Variants in BRWD1 observed in about 807,000 individuals in gnomAD.
The protein encoded by BRWD1 is bromodomain and WD repeat domain containing 1.
In BRWD1, 82 loss-of-function variants were observed where a neutral mutation model predicts 251.2. The observed-to-expected ratio is 0.33, with a 90% CI of 0.27 to 0.39. The LOEUF (loss-of-function observed/expected upper bound fraction) is 0.39. BRWD1 is among the 10% of genes least tolerant of loss of function. BRWD1 has a pLI of 1.00. For missense variants in BRWD1, 2,233 were observed against 2,711.6 expected (o/e 0.82, Z 3.92); for synonymous variants, 918 against 902.8 (o/e 1.02, Z -0.30).
chr21:39,316,801 G>A (rs2036703317), upstream of BRWD1, among the ~76,000 whole-genome samples: 1 of 152,134 alleles, frequency 6.6e-6, no homozygotes, highest in African/African-American at 2.4e-5. Context: ...GCCAGGGGTG[G>A]TAGGTGTGTA....
At chr21:39,199,924 G>C (rs2032023918) in intron 39 of BRWD1, among the ~76,000 whole-genome samples, 1 of 152,058 alleles carries the variant, frequency 6.6e-6, no homozygotes, top group Non-Finnish European at 1.5e-5. Context: ...CTAATTTTTT[G>C]TATTTTTAGT....
chr21:39,220,589 C>T (rs1220796845), intron 29 of BRWD1, among the ~76,000 whole-genome samples: 1 of 152,132 alleles, frequency 6.6e-6, no homozygotes, highest in African/African-American at 2.4e-5. Context: ...AAAATTATAA[C>T]ACAGGTAATA....
intron 7 of BRWD1, 66 bp from the exon 8 acceptor site, chr21:39,294,098 CT>C: frequency 7.9e-7 from 1 of 1,259,838 alleles, no homozygotes; most frequent in Non-Finnish European, 1.1e-6. Flanking sequence ...AAAAGAATAC[CT>C]TTTATATGCC....
intron 4 of BRWD1, among the ~76,000 whole-genome samples, chr21:39,301,985 T>TTTG (rs2036131894): frequency 2.2e-5 from 3 of 136,848 alleles, no homozygotes; most frequent in African/African-American, 5.6e-5. Context: ...TGTGTTTTTT[T>TTTG]TTTTTTTTTT....
At chr21:39,314,524 T>C, upstream of BRWD1, 1 of 355,758 alleles carries the variant, frequency 2.8e-6, no homozygotes, top group Non-Finnish European at 5.6e-6. Context: ...AGAATCCTCT[T>C]GGAAGACTAG....
Position 39,191,827 on chromosome 21 carries a change from T to C in BRWD1, c.*4432A>G. 1.0e-6 allele frequency: 1 copy of C among 985,130 alleles called. No individual in the cohort carries two copies. Among genetic ancestry groups the C allele is most frequent in the Non-Finnish European group, 1.2e-6 (1 of 829,716 alleles). The allele number at this position is 985,130 out of a possible 1,614,324, so 61.0% of individuals were successfully genotyped here. A position where few individuals can be genotyped will look rare whatever the true frequency, so the allele number is the denominator to read the frequency against. ...TTCTCTTTGGCAGTCTAAAATCTCA[T>C]TTAAGGGCTTTAATAAATGAAAAAA... is the stretch of plus-strand genomic sequence containing the variant. On this transcript the variant is annotated 3_prime_UTR_variant, in exon 41 of 41. Transcript: ENST00000342449.
Position 39,187,397 on chromosome 21 carries a change from C to A in BRWD1, c.*8862G>T. ...CATGTTCTCACTTTTGTATTGGGTT[C>A]TCTGTCTCTAGGAACAAATTCTGAA... On this transcript the variant is annotated 3_prime_UTR_variant, in exon 41 of 41. Transcript: ENST00000342449. 1.3e-6 allele frequency: 2 copies of A among 1,573,494 alleles called. No individual in the cohort carries two copies. Among genetic ancestry groups the A allele is most frequent in the South Asian group, 2.4e-5 (2 of 84,238 alleles).
At chr21:39,272,897 C>A (rs2035163946) in intron 13 of BRWD1, among the ~76,000 whole-genome samples, 1 of 152,156 alleles carries the variant, frequency 6.6e-6, no homozygotes, top group South Asian at 2.1e-4. Flanking sequence ...CAGGCATGAG[C>A]CACTATGCCC....
intron 21 of BRWD1, 35 bp from the exon 22 acceptor site, chr21:39,238,608 C>T: frequency 6.8e-7 from 1 of 1,465,586 alleles, no homozygotes; most frequent in African/African-American, 1.4e-5. Flanking sequence ...ATCTTGATCC[C>T]TGAAGTTAAA....
At chr21:39,276,843 A>T (rs1250635934) in intron 11 of BRWD1, among the ~76,000 whole-genome samples, 1 of 152,208 alleles carries the variant, frequency 6.6e-6, no homozygotes, top group Non-Finnish European at 1.5e-5. Context: ...ACCACTGTAA[A>T]ATATTAGGCC....
In BRWD1 at chr21:39,280,305, T is replaced by C. The variant is rs77792104; in HGVS notation, c.832-57A>G. 2.1e-3 allele frequency: 2,793 copies of C among 1,360,164 alleles called. 44 individuals are homozygous for C. In the African/African-American group the frequency reaches 0.037, roughly 18 times the overall value. 84.3% of individuals were successfully genotyped at this position (1,360,164 alleles called of 1,614,324 possible). A position where few individuals can be genotyped will look rare whatever the true frequency, so the allele number is the denominator to read the frequency against. On this transcript the variant is annotated intron_variant, in intron 8 of 40. Coordinates refer to ENST00000342449, the MANE Select transcript of BRWD1 (RefSeq NM_033656.4). ...CAGAACTTCTACTTAAGTTACAGTT[T>C]AATAGTCTTGCAAACTTAACTTCAA... is the stretch of plus-strand genomic sequence containing the variant.
chr21:39,254,804 C>T (rs921262110), intron 19 of BRWD1, among the ~76,000 whole-genome samples: 2 of 152,160 alleles, frequency 1.3e-5, no homozygotes, highest in African/African-American at 4.8e-5. Context: ...GCTAACATCA[C>T]AAAAACCGAG....
chr21:39,250,731 T>C, intron 20 of BRWD1, 65 bp downstream of exon 20: 1 of 1,045,092 alleles, frequency 9.6e-7, no homozygotes, highest in Non-Finnish European at 1.4e-6. Context: ...GTTTTATAAA[T>C]CAAAAAGAAA....
chr21:39,244,147 TCTGCCTCCTGGGTTCAATGCCATTCTC>T (rs2034098867), intron 21 of BRWD1, among the ~76,000 whole-genome samples: 1 of 152,124 alleles, frequency 6.6e-6, no homozygotes, highest in Non-Finnish European at 1.5e-5. Flanking sequence ...CACTGCAAGT[TCTGCCTCCTGGGTTCAATGCCATTCTC>T]CTGCCTCAGC....
intron 8 of BRWD1, among the ~76,000 whole-genome samples, chr21:39,283,564 A>T (rs2035539454): frequency 6.6e-6 from 1 of 152,240 alleles, no homozygotes; most frequent in Non-Finnish European, 1.5e-5. Flanking sequence ...TGGTTTTAAG[A>T]CATGGGTCCT....
intron 8 of BRWD1, among the ~76,000 whole-genome samples, chr21:39,282,269 AG>A (rs2035493033): frequency 1.3e-5 from 2 of 151,918 alleles, no homozygotes; most frequent in African/African-American, 4.9e-5. Context: ...TGCTGACTCA[AG>A]AAACATTCAA....
Position 39,194,537 on chromosome 21 carries a change from C to T in BRWD1, c.*1722G>A, listed in dbSNP as rs1287873078. Reference sequence around the variant, plus strand: ...GAAATGGTGATAGCTCTCTAAGCCACAAATGAGAGGAGGTTTCCCACCTAT... The same window carrying T: ...GAAATGGTGATAGCTCTCTAAGCCATAAATGAGAGGAGGTTTCCCACCTAT... On this transcript the variant is annotated 3_prime_UTR_variant, in exon 41 of 41. Coordinates refer to ENST00000342449, the MANE Select transcript of BRWD1 (RefSeq NM_033656.4). 12 of 1,438,996 alleles carry T rather than the reference C, an allele frequency of 8.3e-6. No individual in the cohort carries two copies. The highest frequency in any genetic ancestry group is 1.4e-5 in the African/African-American group (1 of 69,692). 89.1% of individuals were successfully genotyped at this position (1,438,996 alleles called of 1,614,324 possible).
intron 18 of BRWD1, among the ~76,000 whole-genome samples, chr21:39,258,264 ATTT>A: frequency 6.6e-6 from 1 of 152,202 alleles, no homozygotes; most frequent in South Asian, 2.1e-4. Flanking sequence ...TAAATACTGT[ATTT>A]TTAGAGTACA....
intron 38 of BRWD1, 87 bp from the exon 39 acceptor site, chr21:39,200,473 TACATA>T: frequency 1.9e-6 from 2 of 1,050,918 alleles, no homozygotes; most frequent in Non-Finnish European, 2.6e-6. Flanking sequence ...CTCTGAACAT[TACATA>T]ACATTACTAC....
Sources: gnomAD v4.1 joint callset for allele counts (sites outside exome capture counted in the v4.1 genomes callset) on GRCh38, gnomAD v4.1.1 for gene constraint, MANE v1.5 for transcripts, NCBI Gene and HGNC (gene_info 2026-07-23, HGNC 2026-07-21) for gene names.